Variants in PTPN18 observed in about 807,000 individuals in gnomAD.
PTPN18 encodes tyrosine-protein phosphatase non-receptor type 18.
PTPN18 carries 65 observed loss-of-function variants against 65.4 expected under a neutral mutation model. The observed-to-expected ratio is 0.99, with a 90% confidence interval of 0.81 to 1.22. The LOEUF (loss-of-function observed/expected upper bound fraction) is 1.22, where lower values mean the gene tolerates loss of function less well. PTPN18 is among the 50% of genes most tolerant of loss of function. The probability of loss-of-function intolerance (pLI) is 0.00; values close to 1 mark genes in which losing one functional copy is unlikely to be tolerated. For missense variants in PTPN18, 616 were observed against 646.5 expected, an observed-to-expected ratio of 0.95 and a Z score of 0.51; for synonymous variants, 255 against 267.8, an observed-to-expected ratio of 0.95 and a Z score of 0.47.
Position 130,368,998 on chromosome 2 carries a change from G to C in PTPN18, c.415-135G>C, listed in dbSNP as rs28738746. The C allele has an allele frequency of 0.038, 24,747 of 645,948 alleles. 4,571 individuals are homozygous for C. In the African/African-American group the frequency reaches 0.4, roughly 11 times the overall value. 40.0% of individuals were successfully genotyped at this position (645,948 alleles called of 1,614,324 possible). On this transcript the variant is annotated intron_variant, in intron 5 of 14. Transcript: ENST00000175756. The stretch of plus-strand genomic sequence containing the variant: ...TAATCTGATGGCTCTGTTGGCTGGC[G>C]TCTGTTATAGGTTATAAGTATAGCT...
rs1680511444 is a variant in PTPN18, at chr2:130,370,173, CCT to C, written c.675_676del (p.Val227ProfsTer30). ...RRLQGSGPEPLCVHCSAGCGR... is the reference protein window; with the variant it reads ...RRLQGSGPEPXCVHCSAGCGR... ...GCCTCCAGGGATCTGGCCCTGAACC[CCT>C]CTGTGTCCACTGCAGGTTTTGGAAA... On this transcript the variant is annotated frameshift_variant, in exon 8 of 15. Transcript: ENST00000175756. LOFTEE classifies it high-confidence loss of function. The C allele has an allele frequency of 3.1e-6, 5 of 1,612,154 alleles. No individual in the cohort carries two copies. Among genetic ancestry groups the C allele is most frequent in the Non-Finnish European group, 4.2e-6 (5 of 1,180,030 alleles).
Position 130,369,145 on chromosome 2 carries a change from C to A in PTPN18, c.427C>A (p.Arg143=), listed in dbSNP as rs146548137. The A allele has an allele frequency of 1.1e-5, 18 of 1,612,126 alleles. No homozygotes were observed. In the East Asian group the frequency reaches 3.3e-4, roughly 30 times the overall value. Reference sequence around the variant, plus strand: ...TTACCTTTTGCAGAAAAGGTGTGAGCGGTACTGGGCCCAGGAGCAGGAGCC... The same window carrying A: ...TTACCTTTTGCAGAAAAGGTGTGAGAGGTACTGGGCCCAGGAGCAGGAGCC... ...EIENGRKRCE[R]YWAQEQEPLQ... Residue 143 remains arginine, a synonymous_variant, in exon 6 of 15, where the codon CGG becomes AGG. Coordinates refer to ENST00000175756, the MANE Select transcript of PTPN18 (RefSeq NM_014369.4).
chr2:130,357,741 A>G (rs1363044343), intron 1 of PTPN18, among the ~76,000 whole-genome samples: 2 of 151,908 alleles, frequency 1.3e-5, no homozygotes, highest in Non-Finnish European at 2.9e-5. Context: ...CTGTAGTCCC[A>G]GCTACTCGGG....
chr2:130,372,142 C>A, intron 12 of PTPN18, 115 bp from the exon 13 acceptor site: 1 of 1,040,706 alleles, frequency 9.6e-7, no homozygotes. Flanking sequence ...TCCCTCCCAT[C>A]TAGCGCACCG....
intron 5 of PTPN18, chr2:130,362,154 AG>A (rs1259349706): frequency 2.1e-6 from 1 of 470,310 alleles, no homozygotes; most frequent in Non-Finnish European, 4.4e-6. Context: ...TATTTCTTGT[AG>A]AGATTAAGTC....
rs1215365800 is a variant in PTPN18 at position 130,374,217 on chromosome 2, C to A, written c.*993C>A. 1 of 166,360 alleles carries A rather than the reference C, an allele frequency of 6.0e-6. No individual in the cohort carries two copies. The highest frequency in any genetic ancestry group is 2.4e-5 in the African/African-American group (1 of 41,868). 10.3% of individuals were successfully genotyped at this position (166,360 alleles called of 1,614,324 possible). On this transcript the variant is annotated 3_prime_UTR_variant, in exon 15 of 15. Transcript: ENST00000175756. Reference sequence around the variant, plus strand: ...TCCAGCTATTCAGACAGATGGACCCCCAGCAAATCAGGACCTATCTAGGCA... The same window carrying A: ...TCCAGCTATTCAGACAGATGGACCCACAGCAAATCAGGACCTATCTAGGCA...
chr2:130,366,660 A>G (rs2104942768), intron 5 of PTPN18, among the ~76,000 whole-genome samples: 1 of 152,314 alleles, frequency 6.6e-6, no homozygotes, highest in Non-Finnish European at 1.5e-5. Context: ...GAGTTTGTGA[A>G]AGGCTGGTAT....
chr2:130,361,888 T>G (rs552617246), intron 5 of PTPN18, among the ~76,000 whole-genome samples: 1 of 151,236 alleles, frequency 6.6e-6, no homozygotes, highest in East Asian at 2.0e-4. Context: ...GCCCTCGGCC[T>G]TAAATTTCTT....
Position 130,373,221 on chromosome 2 carries a change from G to A in PTPN18, c.1380G>A (p.Val460=), listed in dbSNP as rs1334579706. Residue 460 remains valine, a synonymous_variant, in exon 15 of 15, where the codon GTG becomes GTA. Coordinates refer to ENST00000175756, the MANE Select transcript of PTPN18 (RefSeq NM_014369.4). The surrounding 1 kb of genome is among the most constrained non-coding windows in gnomAD (Gnocchi z 4.1). Reference sequence around the variant, plus strand: ...ACCCGCCTGCTGAGTGGACCCGGGTGTAAGTCTAACGCCAGTTCCTGCCTG... The same window carrying A: ...ACCCGCCTGCTGAGTGGACCCGGGTATAAGTCTAACGCCAGTTCCTGCCTG... ...PRDPPAEWTR[V] is the part of the protein sequence containing the mutation. The A allele has an allele frequency of 6.3e-7, 1 of 1,598,336 alleles. No individual in the cohort carries two copies. Among genetic ancestry groups the A allele is most frequent in the Non-Finnish European group, 8.5e-7 (1 of 1,173,082 alleles).
Position 130,373,037 on chromosome 2 carries a change from G to T in PTPN18, c.1315+90G>T. The stretch of plus-strand genomic sequence containing the variant: ...TTGATGGGGCATGGAGCTTAGTCCT[G>T]TGGATGTGGCTGCAGTGAACCAGGA... On this transcript the variant is annotated intron_variant, in intron 14 of 14. Transcript: ENST00000175756. The surrounding 1 kb of genome is among the most constrained non-coding windows in gnomAD (Gnocchi z 4.1). 1 of 1,570,352 alleles carries T rather than the reference G, an allele frequency of 6.4e-7. No homozygotes were observed. The highest frequency in any genetic ancestry group is 1.1e-5 in the South Asian group (1 of 89,354).
In PTPN18 at chr2:130,370,796, C is replaced by T. The variant is rs755945408; in HGVS notation, c.834+14C>T. 4 of 1,613,466 alleles carry T rather than the reference C, an allele frequency of 2.5e-6. No individual in the cohort carries two copies. The highest frequency in any genetic ancestry group is 3.4e-6 in the Non-Finnish European group (4 of 1,179,400). On this transcript the variant is annotated intron_variant, in intron 10 of 14. Transcript: ENST00000175756. Reference sequence around the variant, plus strand: ...GTGCAGACAGAGGTGAACCCTGGGTCTCCTAATCTTCAGGGACAGTGGCCC... The same window carrying T: ...GTGCAGACAGAGGTGAACCCTGGGTTTCCTAATCTTCAGGGACAGTGGCCC...
intron 5 of PTPN18, chr2:130,362,103 GGACTACA>G: frequency 2.1e-6 from 1 of 469,542 alleles, no homozygotes; most frequent in Non-Finnish European, 4.4e-6. Flanking sequence ...TGAGGAGTTG[GGACTACA>G]GGCATACACC....
Position 130,371,205 on chromosome 2 carries a change from G to C in PTPN18, c.931G>C (p.Ala311Pro). Residue 311 changes from alanine to proline, a missense_variant, in exon 12 of 15, where the codon GCC (alanine) becomes CCC (proline). Coordinates refer to ENST00000175756, the MANE Select transcript of PTPN18 (RefSeq NM_014369.4). ...CCCTCCTGTTTTTCTTCAGAATTGT[G>C]CCCCACTCTACGACGATGCCCTCTT... ...PHYQNIKENC[A>P]PLYDDALFLR... is the part of the protein sequence containing the mutation. The C allele has an allele frequency of 6.2e-7, 1 of 1,607,584 alleles. No homozygotes were observed. The highest frequency in any genetic ancestry group is 2.2e-5 in the East Asian group (1 of 44,822).
At chr2:130,366,046 T>C (rs1680370007) in intron 5 of PTPN18, among the ~76,000 whole-genome samples, 2 of 152,332 alleles carry the variant, frequency 1.3e-5, no homozygotes, top group African/African-American at 4.8e-5. Context: ...TTTGGCTATT[T>C]TGGGTAGGTC....
Position 130,372,305 on chromosome 2 carries a change from C to T in PTPN18, c.1062C>T (p.Tyr354=), listed in dbSNP as rs1680592076. The part of the protein sequence containing the change: ...GSPGHAMADT[Y]AVVQKRGAPA... Reference sequence around the variant, plus strand: ...CGGGCCACGCCATGGCTGACACCTACGCGGTGGTGCAGAAGCGCGGGGCTC... The same window carrying T: ...CGGGCCACGCCATGGCTGACACCTATGCGGTGGTGCAGAAGCGCGGGGCTC... The change falls in exon 13 of 15, where the codon TAC becomes TAT. Residue 354 remains tyrosine (Y), a synonymous_variant. Transcript: ENST00000175756. The T allele has an allele frequency of 6.5e-7, 1 of 1,537,750 alleles. No homozygotes were observed. The highest frequency in any genetic ancestry group is 1.4e-5 in the African/African-American group (1 of 70,218).
chr2:130,356,628 G>C (rs1341700449), intron 1 of PTPN18: 3 of 472,308 alleles, frequency 6.4e-6, no homozygotes, highest in Non-Finnish European at 8.8e-6. Flanking sequence ...AGGGCGAAGA[G>C]GAACACGGAG....
intron 5 of PTPN18, chr2:130,362,569 T>A (rs1210417552): frequency 6.2e-6 from 1 of 162,096 alleles, no homozygotes; most frequent in African/African-American, 2.4e-5. Context: ...ATTCTACATT[T>A]CATGTAAAAT....
chr2:130,371,311 C>G (rs746177747), intron 12 of PTPN18, 24 bp downstream of exon 12: 1 of 1,525,690 alleles, frequency 6.6e-7, no homozygotes, highest in South Asian at 1.1e-5. Context: ...TCCCCGGATT[C>G]TTCCCTGCCC....
intron 6 of PTPN18, among the ~76,000 whole-genome samples, chr2:130,369,427 TCTTA>T (rs1481115801): frequency 4.6e-5 from 7 of 152,332 alleles, no homozygotes; most frequent in Non-Finnish European, 1.0e-4. Context: ...TTGTTGAAAT[TCTTA>T]CTTCTCTTAC....
Sources: gnomAD v4.1 joint callset for allele counts (sites outside exome capture counted in the v4.1 genomes callset) on GRCh38, gnomAD v4.1.1 for gene constraint, Gnocchi (gnomAD v3.1) non-coding constraint, MANE v1.5 for transcripts, NCBI Gene and HGNC (gene_info 2026-07-23, HGNC 2026-07-21) for gene names.